ESYT1: variants seen among roughly 807,000 people sequenced by gnomAD.
ESYT1 encodes the protein extended synaptotagmin 1.
In ESYT1, 116 loss-of-function variants were observed where a neutral mutation model predicts 154.2. That is an observed-to-expected ratio of 0.75 (90% CI 0.65 to 0.88). ESYT1 has a LOEUF of 0.88. Ranked by LOEUF, ESYT1 falls within the 40% of genes least tolerant of loss-of-function variation. The probability of loss-of-function intolerance (pLI) is 0.00; values close to 1 mark genes in which losing one functional copy is unlikely to be tolerated. For missense variants in ESYT1, 1,264 were observed against 1,379.3 expected (o/e 0.92, Z 1.32); for synonymous variants, 500 against 539.9 (o/e 0.93, Z 1.02).
rs1870826719 is a variant in ESYT1, at chr12:56,144,072, C to A, written c.*210C>A. 2 of 1,429,278 alleles carry A rather than the reference C, an allele frequency of 1.4e-6. No homozygotes were observed. Among genetic ancestry groups the A allele is most frequent in the Non-Finnish European group, 1.8e-6 (2 of 1,095,138 alleles). 88.5% of individuals were successfully genotyped at this position (1,429,278 alleles called of 1,614,324 possible). A position where few individuals can be genotyped will look rare whatever the true frequency, so the allele number is the denominator to read the frequency against. ...CTGCACGGCCTTTATCCTTCTGGGCCCCTGGGGCGGGGACCTGAGCTGGCT... is the reference window on the plus strand; with the variant it reads ...CTGCACGGCCTTTATCCTTCTGGGCACCTGGGGCGGGGACCTGAGCTGGCT... On this transcript the variant is annotated 3_prime_UTR_variant, in exon 31 of 31. Transcript: ENST00000394048.
chr12:56,128,429 G>T lies in ESYT1; in HGVS notation c.110G>T (p.Gly37Val). The change falls in exon 1 of 31, where the codon GGT becomes GTT. Residue 37 changes from glycine to valine, a missense_variant. Coordinates refer to ENST00000394048, the MANE Select transcript of ESYT1 (RefSeq NM_015292.3). ...PPAAHAKPDP[G>V]SGGQPAGPGA... ...GCTGCTCACGCAAAGCCAGACCCAG[G>T]TTCTGGGGGCCAACCTGCTGGCCCT... The T allele has an allele frequency of 6.2e-7, 1 of 1,612,898 alleles. No individual in the cohort carries two copies. The highest frequency in any genetic ancestry group is 1.1e-5 in the South Asian group (1 of 90,918).
chr12:56,138,088 TAG>T lies in ESYT1; in HGVS notation c.2247+17_2247+18del, dbSNP rs759113446. 6.2e-7 allele frequency: 1 copy of T among 1,614,116 alleles called. No homozygotes were observed. On this transcript the variant is annotated intron_variant, in intron 20 of 30. Coordinates refer to ENST00000394048, the MANE Select transcript of ESYT1 (RefSeq NM_015292.3). ...TTCCTTGATGAGGTGAGCATTGAATTAGAGTCAACAACCCCTCCTGATCCTGC... is the reference window on the plus strand; with the variant it reads ...TTCCTTGATGAGGTGAGCATTGAATTAGTCAACAACCCCTCCTGATCCTGC...
rs778674624 is a variant in ESYT1, at chr12:56,136,921, G to A, written c.1782+28G>A. On this transcript the variant is annotated intron_variant, in intron 16 of 30. Transcript: ENST00000394048. ...ATGGAAATAGAGGAGGTACTGAGGT[G>A]TGGGGGAAAGGCCTGTTGATTCTTT... The A allele has an allele frequency of 7.1e-6, 11 of 1,554,464 alleles. No individual in the cohort carries two copies. The Middle Eastern group carries it at 6.9e-4, about 97-fold the overall frequency.
chr12:56,137,201 CAT>C lies in ESYT1; in HGVS notation c.1783-15_1783-14del. On this transcript the variant is annotated splice_polypyrimidine_tract_variant and intron_variant, in intron 16 of 30. Coordinates refer to ENST00000394048, the MANE Select transcript of ESYT1 (RefSeq NM_015292.3). Reference sequence around the variant, plus strand: ...GAGCTGCACTTCTTTGATTCAGCATCATACTACCCTTCCTAGATCCTGTACTT... The same window carrying C: ...GAGCTGCACTTCTTTGATTCAGCATCACTACCCTTCCTAGATCCTGTACTT... The C allele has an allele frequency of 6.2e-7, 1 of 1,614,008 alleles. No homozygotes were observed. Among genetic ancestry groups the C allele is most frequent in the Non-Finnish European group, 8.5e-7 (1 of 1,179,924 alleles).
chr12:56,132,857 A>C, intron 10 of ESYT1, 56 bp downstream of exon 10: 1 of 1,486,260 alleles, frequency 6.7e-7, no homozygotes, highest in Non-Finnish European at 9.4e-7. Context: ...ACGGTGGCTC[A>C]TGCCTGTAAT....
chr12:56,138,452 G>C lies in ESYT1; in HGVS notation c.2386G>C (p.Ala796Pro), dbSNP rs926129353. 1.2e-6 allele frequency: 2 copies of C among 1,612,984 alleles called. No individual in the cohort carries two copies. Among genetic ancestry groups the C allele is most frequent in the Non-Finnish European group, 1.7e-6 (2 of 1,179,790 alleles). Residue 796 changes from alanine to proline, a missense_variant, in exon 22 of 31, where the codon GCT (alanine) becomes CCT (proline). Physicochemically the swap from Ala to Pro is conservative, Grantham distance 27 (BLOSUM62 -1). Coordinates refer to ENST00000394048, the MANE Select transcript of ESYT1 (RefSeq NM_015292.3). ...LIQTQKSAEL[A>P]AALLSIYMER... is the part of the protein sequence containing the mutation. The stretch of plus-strand genomic sequence containing the variant: ...CCAGACTCAGAAGAGTGCGGAGCTG[G>C]CTGCGGCCCTGCTATCCATCTATAT...
chr12:56,133,774 T>G lies in ESYT1; in HGVS notation c.1381-7T>G. 6.2e-7 allele frequency: 1 copy of G among 1,614,016 alleles called. No homozygotes were observed. The highest frequency in any genetic ancestry group is 8.5e-7 in the Non-Finnish European group (1 of 1,179,948). On this transcript the variant is annotated splice_polypyrimidine_tract_variant and splice_region_variant and intron_variant, in intron 12 of 30. Transcript: ENST00000394048. ...ACCAAGATCTGACTACTACCACCCC[T>G]CCCCAGGTTCTACAGTGGAATTGGG... is the stretch of plus-strand genomic sequence containing the variant.
At chr12:56,128,956 T>C (rs1166797904) in intron 1 of ESYT1, 1 of 538,454 alleles carries the variant, frequency 1.9e-6, no homozygotes, top group Admixed American at 3.3e-5. Flanking sequence ...CTTCTTCCTC[T>C]ACTTGGGCAA....
chr12:56,144,351 C>A lies in ESYT1; in HGVS notation c.*489C>A. Reference sequence around the variant, plus strand: ...TGTAGCAAATGTTCAGCAGCTCAGGCCCCCATGTCCAGTTCTGTCCCCACT... The same window carrying A: ...TGTAGCAAATGTTCAGCAGCTCAGGACCCCATGTCCAGTTCTGTCCCCACT... On this transcript the variant is annotated 3_prime_UTR_variant, in exon 31 of 31. Coordinates refer to ENST00000394048, the MANE Select transcript of ESYT1 (RefSeq NM_015292.3). 1 of 1,010,010 alleles carries A rather than the reference C, an allele frequency of 9.9e-7. No individual in the cohort carries two copies. Among genetic ancestry groups the A allele is most frequent in the Non-Finnish European group, 1.2e-6 (1 of 843,620 alleles). 62.6% of individuals were successfully genotyped at this position (1,010,010 alleles called of 1,614,324 possible).
At chr12:56,128,803 G>T in intron 1 of ESYT1, 94 bp downstream of exon 1, 2 of 1,500,846 alleles carry the variant, frequency 1.3e-6, no homozygotes, top group Non-Finnish European at 1.8e-6. Flanking sequence ...TCAGCTCCCT[G>T]CCTTGGGACA....
intron 10 of ESYT1, 65 bp from the exon 11 acceptor site, chr12:56,133,352 C>T (rs1326207379): frequency 1.9e-6 from 3 of 1,586,984 alleles, no homozygotes; most frequent in Non-Finnish European, 2.6e-6. Flanking sequence ...GGGCCACTGA[C>T]ATGCTGCTAA....
intron 1 of ESYT1, 147 bp from the exon 2 acceptor site, chr12:56,130,435 C>T (rs1663638946): frequency 2.2e-6 from 2 of 901,110 alleles, no homozygotes; most frequent in Non-Finnish European, 1.8e-6. Context: ...AGGAATGAAC[C>T]TTTGGGGCAT....
In ESYT1 at chr12:56,137,339, G is replaced by A. The variant is rs773441805; in HGVS notation, c.1904G>A (p.Cys635Tyr). Residue 635 changes from cysteine (C) to tyrosine (Y), a missense_variant, in exon 17 of 31, where the codon TGT (cysteine) becomes TAT (tyrosine). Cys to Tyr is a radical substitution (Grantham distance 194). Transcript: ENST00000394048. ...AGTGTGGATGCCCCACCTCGACCCT[G>A]TCACACGACTCCTGATAGCCAGTTT... Reference protein sequence around the residue: ...GSSVDAPPRPCHTTPDSQFGT... With the variant: ...GSSVDAPPRPYHTTPDSQFGT... 1.2e-6 allele frequency: 2 copies of A among 1,614,158 alleles called. No individual in the cohort carries two copies. Among genetic ancestry groups the A allele is most frequent in the South Asian group, 2.2e-5 (2 of 91,084 alleles).
Position 56,133,893 on chromosome 12 carries a change from C to G in ESYT1, c.1473+20C>G. The G allele has an allele frequency of 6.2e-7, 1 of 1,611,314 alleles. No individual in the cohort carries two copies. The highest frequency in any genetic ancestry group is 1.1e-5 in the South Asian group (1 of 91,024). On this transcript the variant is annotated intron_variant, in intron 13 of 30. Coordinates refer to ENST00000394048, the MANE Select transcript of ESYT1 (RefSeq NM_015292.3). ...CTTCCTGTGAGTTTGGCTGGGTGAACAGGAGCCCTGGATGTAACATTCCCC... is the reference window on the plus strand; with the variant it reads ...CTTCCTGTGAGTTTGGCTGGGTGAAGAGGAGCCCTGGATGTAACATTCCCC...
chr12:56,131,080 G>T lies in ESYT1; in HGVS notation c.608G>T (p.Arg203Ile), dbSNP rs767688557. Residue 203 changes from arginine to isoleucine, a missense_variant, in exon 4 of 31, where the codon AGA becomes ATA. Transcript: ENST00000394048. ...IIGVKVHPGQRKEQILLDLNI... is the reference protein window; with the variant it reads ...IIGVKVHPGQIKEQILLDLNI... Reference sequence around the variant, plus strand: ...GGAGTCAAGGTTCACCCAGGTCAGAGAAAAGAGCAGATCCTGCTGGACTTG... The same window carrying T: ...GGAGTCAAGGTTCACCCAGGTCAGATAAAAGAGCAGATCCTGCTGGACTTG... 1 of 1,614,164 alleles carries T rather than the reference G, an allele frequency of 6.2e-7. No individual in the cohort carries two copies. Among genetic ancestry groups the T allele is most frequent in the South Asian group, 1.1e-5 (1 of 91,084 alleles).
chr12:56,128,654 A>G lies in ESYT1; in HGVS notation c.335A>G (p.Glu112Gly). 6.2e-7 allele frequency: 1 copy of G among 1,614,188 alleles called. No homozygotes were observed. The highest frequency in any genetic ancestry group is 1.1e-5 in the South Asian group (1 of 91,086). The change falls in exon 1 of 31, where the codon GAG becomes GGG. Residue 112 changes from glutamate to glycine, a missense_variant. By Grantham distance (98) the Glu-to-Gly change is moderately conservative. Coordinates refer to ENST00000394048, the MANE Select transcript of ESYT1 (RefSeq NM_015292.3). ...LRAARQLLDD[E>G]EQLTAKTLYM... Reference sequence around the variant, plus strand: ...GCAGCGAGGCAGCTACTGGACGACGAGGAGCAGCTCACTGCGAAAACTCTC... The same window carrying G: ...GCAGCGAGGCAGCTACTGGACGACGGGGAGCAGCTCACTGCGAAAACTCTC...
rs1483598907 is a variant in ESYT1 at position 56,132,700 on chromosome 12, A to G, written c.1162-19A>G. 10 of 1,614,130 alleles carry G rather than the reference A, an allele frequency of 6.2e-6. No individual in the cohort carries two copies. Among genetic ancestry groups the G allele is most frequent in the Non-Finnish European group, 7.6e-6 (9 of 1,179,960 alleles). Reference sequence around the variant, plus strand: ...ACAGCTGCAGCCCCATGAGACACTCAGCCTTCTGTGTTCCCCAGGTGATGG... The same window carrying G: ...ACAGCTGCAGCCCCATGAGACACTCGGCCTTCTGTGTTCCCCAGGTGATGG... On this transcript the variant is annotated intron_variant, in intron 9 of 30. Transcript: ENST00000394048.
intron 7 of ESYT1, among the ~76,000 whole-genome samples, 169 bp from the exon 8 acceptor site, chr12:56,132,040 A>G (rs1198320507): frequency 3.3e-5 from 5 of 152,158 alleles, no homozygotes; most frequent in Admixed American, 2.6e-4. Flanking sequence ...GCAGTGAAGA[A>G]GGGAGAGAGC....
rs774903213 is a variant in ESYT1 at position 56,131,348 on chromosome 12, G to A, written c.714+32G>A. The A allele has an allele frequency of 5.0e-6, 8 of 1,613,642 alleles. No homozygotes were observed. The Admixed American group carries it at 6.7e-5, about 13-fold the overall frequency. On this transcript the variant is annotated intron_variant, in intron 5 of 30. Transcript: ENST00000394048. ...CAGATGTCAGGGGCCACATAATAGG[G>A]AATGTTTGTCCTGCGTTTCATGGGA...
Sources: gnomAD v4.1 joint callset for allele counts (sites outside exome capture counted in the v4.1 genomes callset) on GRCh38, gnomAD v4.1.1 for gene constraint, MANE v1.5 for transcripts, NCBI Gene and HGNC (gene_info 2026-07-23, HGNC 2026-07-21) for gene names.